The following MTCL1 variants were observed in gnomAD, a reference collection of about 807,000 sequenced individuals.
MTCL1 encodes the protein microtubule cross-linking factor 1.
In MTCL1, 79 loss-of-function variants were observed where a neutral mutation model predicts 141.4. The ratio of observed to expected loss-of-function variants is 0.56; its 90% CI spans 0.47 to 0.67. The LOEUF is 0.67. MTCL1 is among the 30% of genes least tolerant of loss of function. The pLI, the probability that MTCL1 is intolerant of heterozygous loss-of-function variation, is 0.00. For missense variants in MTCL1, 2,177 were observed against 2,113.9 expected, an observed-to-expected ratio of 1.03 and a Z score of -0.59; for synonymous variants, 914 against 875.8, an observed-to-expected ratio of 1.04 and a Z score of -0.77.
At chr18:8,787,800 C>CTATTT (rs200118204) in intron 7 of MTCL1, among the ~76,000 whole-genome samples, 1 of 152,146 alleles carries the variant, frequency 6.6e-6, no homozygotes, top group Non-Finnish European at 1.5e-5. Flanking sequence ...CAAACACATC[C>CTATTT]TATTTTATTT....
intron 4 of MTCL1, among the ~76,000 whole-genome samples, chr18:8,764,148 CT>C (rs1176303821): frequency 2.6e-5 from 4 of 151,524 alleles, no homozygotes; most frequent in African/African-American, 7.3e-5. Flanking sequence ...AATAGTGGGT[CT>C]TTTTTTCTAC....
chr18:8,792,991 C>T lies in MTCL1; in HGVS notation c.1888-7C>T, dbSNP rs374633639. On this transcript the variant is annotated splice_polypyrimidine_tract_variant and splice_region_variant and intron_variant, in intron 7 of 16. Coordinates refer to ENST00000359865, the Ensembl canonical transcript of MTCL1. ...CACTAAACCCCTTCCTTTATCCCACCGATCAGCTCAGGGGCCCCCCCGTTT... is the reference window on the plus strand; with the variant it reads ...CACTAAACCCCTTCCTTTATCCCACTGATCAGCTCAGGGGCCCCCCCGTTT... 1.3e-5 allele frequency: 21 copies of T among 1,613,400 alleles called. No homozygotes were observed. In the African/African-American group the frequency reaches 2.4e-4, roughly 18 times the overall value.
chr18:8,806,813 T>A, intron 10 of MTCL1, 80 bp from the exon 10 acceptor site: 4 of 1,487,576 alleles, frequency 2.7e-6, no homozygotes, highest in Non-Finnish European at 3.6e-6. Flanking sequence ...CACACTACCT[T>A]GATAGCCAGA....
intron 4 of MTCL1, among the ~76,000 whole-genome samples, chr18:8,767,207 G>T (rs1483358899): frequency 6.6e-6 from 1 of 152,360 alleles, no homozygotes; most frequent in East Asian, 1.9e-4. Context: ...TAGAGCTAGG[G>T]ATCCTAGCTG....
chr18:8,737,475 C>T (rs932729536), intron 4 of MTCL1, among the ~76,000 whole-genome samples: 3 of 152,190 alleles, frequency 2.0e-5, no homozygotes, highest in Admixed American at 6.5e-5. Flanking sequence ...GGGCATGTCA[C>T]GGCCATGGGG....
intron 4 of MTCL1, among the ~76,000 whole-genome samples, chr18:8,774,578 C>T (rs1449672585): frequency 6.6e-6 from 1 of 152,158 alleles, no homozygotes; most frequent in Non-Finnish European, 1.5e-5. Flanking sequence ...ACCTCCACCT[C>T]CCGGGTTCAA....
chr18:8,738,426 A>C (rs1184224873), intron 4 of MTCL1, among the ~76,000 whole-genome samples: 1 of 152,142 alleles, frequency 6.6e-6, no homozygotes, highest in Admixed American at 6.6e-5. Flanking sequence ...TTTTAATGTG[A>C]AGCCCTGTGG....
intron 4 of MTCL1, among the ~76,000 whole-genome samples, chr18:8,762,080 G>A (rs1054836048): frequency 2.6e-5 from 4 of 152,218 alleles, no homozygotes; most frequent in Non-Finnish European, 5.9e-5. Context: ...CCATCCAGGT[G>A]TTGATGAACA....
chr18:8,720,064 G>A (rs187153027), intron 3 of MTCL1: 48 of 323,604 alleles, frequency 1.5e-4, no homozygotes, highest in African/African-American at 9.3e-4. Context: ...CAGTTTGGGG[G>A]GGTTGGATAC....
exon 4 of MTCL1, chr18:8,720,458 A>G: frequency 1.2e-6 from 2 of 1,614,126 alleles, no homozygotes; most frequent in Non-Finnish European, 1.7e-6. Flanking sequence ...GGAAATATCC[A>G]AACAGGCCCT....
At chr18:8,763,364 G>A (rs1262883963) in intron 4 of MTCL1, among the ~76,000 whole-genome samples, 1 of 152,240 alleles carries the variant, frequency 6.6e-6, no homozygotes, top group African/African-American at 2.4e-5. Flanking sequence ...CCAACCTGCT[G>A]TAGAACCACC....
At chr18:8,723,491 C>T (rs147765689) in intron 4 of MTCL1, among the ~76,000 whole-genome samples, 7 of 152,268 alleles carry the variant, frequency 4.6e-5, no homozygotes, top group Non-Finnish European at 8.8e-5. Context: ...CAGCAGTTGT[C>T]GCAGGTGTGT....
intron 16 of MTCL1, chr18:8,831,208 A>T: frequency 9.9e-7 from 1 of 1,014,176 alleles, no homozygotes; most frequent in Non-Finnish European, 1.2e-6. Context: ...TCACTTGTCC[A>T]CTGTAGCTAA....
chr18:8,761,756 C>T (rs1001226006), intron 4 of MTCL1, among the ~76,000 whole-genome samples: 3 of 152,184 alleles, frequency 2.0e-5, no homozygotes, highest in African/African-American at 7.2e-5. Context: ...AGGGAAACTC[C>T]CCTTTATAAA....
At chr18:8,813,301 C>G in intron 12 of MTCL1, 68 bp downstream of exon 11, 1 of 1,526,904 alleles carries the variant, frequency 6.5e-7, no homozygotes, top group East Asian at 2.4e-5. Context: ...ACCCAGAAAG[C>G]AAAAGCACTA....
At chr18:8,772,711 A>C (rs1004077625) in intron 4 of MTCL1, among the ~76,000 whole-genome samples, 55 of 151,802 alleles carry the variant, frequency 3.6e-4, no homozygotes, top group Non-Finnish European at 6.2e-4. Flanking sequence ...TATTTTAAGC[A>C]TTTTGAGATC....
intron 4 of MTCL1, among the ~76,000 whole-genome samples, chr18:8,768,434 C>T (rs2096469301): frequency 6.6e-6 from 1 of 152,164 alleles, no homozygotes; most frequent in Admixed American, 6.5e-5. Flanking sequence ...ATGGTGTACT[C>T]TATAATTAGA....
Position 8,809,350 on chromosome 18 carries a change from T to A in MTCL1, c.2604+2290T>A, listed in dbSNP as rs552292323. ...TTAGCATGTCCTCCGGTTATAAACA[T>A]AGGCAACAAGCCCAACAGAAATCAC... On this transcript the variant is annotated intron_variant, in intron 11 of 16. Coordinates refer to ENST00000359865, the Ensembl canonical transcript of MTCL1. The A allele has an allele frequency of 2.7e-5, 38 of 1,420,572 alleles. No individual in the cohort carries two copies. The East Asian group carries it at 5.5e-4, about 21-fold the overall frequency. 88.0% of individuals were successfully genotyped at this position (1,420,572 alleles called of 1,614,324 possible).
At chr18:8,812,319 A>AG (rs1221443296) in intron 11 of MTCL1, among the ~76,000 whole-genome samples, 1 of 151,960 alleles carries the variant, frequency 6.6e-6, no homozygotes, top group East Asian at 1.9e-4. Context: ...ATTTGCTGAA[A>AG]AGTGTTTTCC....
Sources: gnomAD v4.1 joint callset for allele counts (sites outside exome capture counted in the v4.1 genomes callset) on GRCh38, gnomAD v4.1.1 for gene constraint, MANE v1.5 for transcripts, NCBI Gene and HGNC (gene_info 2026-07-23, HGNC 2026-07-21) for gene names.